The following ATP6V0A1 variants were observed in gnomAD, a reference collection of about 807,000 sequenced individuals.
The protein encoded by ATP6V0A1 is V-type proton ATPase 116 kDa subunit a 1.
ATP6V0A1 carries 43 observed loss-of-function variants against 105.4 expected under a neutral mutation model. The ratio of observed to expected loss-of-function variants is 0.41; its 90% CI spans 0.32 to 0.53. The LOEUF is 0.53. Ranked by LOEUF, ATP6V0A1 falls within the 20% of genes least tolerant of loss-of-function variation. The pLI, the probability that ATP6V0A1 is intolerant of heterozygous loss-of-function variation, is 0.30. For missense variants in ATP6V0A1, 676 were observed against 1,051.1 expected (o/e 0.64, Z 4.93); for synonymous variants, 362 against 372.8 (o/e 0.97, Z 0.33).
At chr17:42,498,404 C>T (rs9913501) in intron 14 of ATP6V0A1, among the ~76,000 whole-genome samples, 130,470 of 152,042 alleles carry the variant, frequency 0.86, 56,842 homozygotes, top group Non-Finnish European at 0.93. Context: ...GAAGCATTCT[C>T]CTCAAAAGCA....
chr17:42,467,988 T>C (rs1438355312), intron 3 of ATP6V0A1, 22 bp from the exon 4 acceptor site: 1 of 1,540,926 alleles, frequency 6.5e-7, no homozygotes, highest in Non-Finnish European at 8.9e-7. Context: ...TAGACATGAA[T>C]GTTTTGATTC....
chr17:42,479,818 C>T (rs1003620526), intron 7 of ATP6V0A1, among the ~76,000 whole-genome samples: 2 of 152,156 alleles, frequency 1.3e-5, no homozygotes, highest in African/African-American at 4.8e-5. Flanking sequence ...GAACTTTTCT[C>T]AGGAATATTC....
At chr17:42,520,646 G>A (rs1176614085) in intron 21 of ATP6V0A1, 1 of 458,990 alleles carries the variant, frequency 2.2e-6, no homozygotes, top group South Asian at 1.5e-5. Context: ...TGTCTCTGGA[G>A]GGGCTTCCCT....
intron 19 of ATP6V0A1, among the ~76,000 whole-genome samples, chr17:42,513,225 A>G (rs2092436907): frequency 6.6e-6 from 1 of 152,242 alleles, no homozygotes; most frequent in East Asian, 1.9e-4. Context: ...GGAAATTTGT[A>G]AACTTTGTCA....
chr17:42,517,178 G>A (rs899327301), intron 21 of ATP6V0A1, among the ~76,000 whole-genome samples: 1 of 152,180 alleles, frequency 6.6e-6, no homozygotes, highest in East Asian at 1.9e-4. Context: ...TACTCGGGAG[G>A]CTGAGGCAAG....
At chr17:42,496,866 G>A (rs561562323) in intron 14 of ATP6V0A1, among the ~76,000 whole-genome samples, 5 of 151,956 alleles carry the variant, frequency 3.3e-5, no homozygotes, top group African/African-American at 1.2e-4. Context: ...AGCACCACAG[G>A]GCTACAATCA....
intron 18 of ATP6V0A1, 80 bp downstream of exon 18, chr17:42,507,707 A>C: frequency 1.8e-6 from 2 of 1,131,292 alleles, no homozygotes; most frequent in Non-Finnish European, 2.7e-6. Context: ...GCCTCACTCC[A>C]GTCTTCTCCT....
intron 7 of ATP6V0A1, among the ~76,000 whole-genome samples, chr17:42,479,619 AAG>A (rs1392998654): frequency 1.3e-5 from 2 of 152,216 alleles, no homozygotes; most frequent in African/African-American, 4.8e-5. Context: ...TTTACCTAAA[AAG>A]AGAGAGATTG....
At chr17:42,517,504 G>A (rs1393663768) in intron 21 of ATP6V0A1, among the ~76,000 whole-genome samples, 2 of 152,156 alleles carry the variant, frequency 1.3e-5, no homozygotes, top group African/African-American at 4.8e-5. Flanking sequence ...TTGGGTAGGA[G>A]AGGAAAAAAC....
intron 19 of ATP6V0A1, chr17:42,513,392 C>A: frequency 6.3e-6 from 1 of 159,546 alleles, no homozygotes; most frequent in Non-Finnish European, 1.4e-5. Flanking sequence ...CTTCTCAGGA[C>A]AGTGTCCGGG....
In ATP6V0A1 at chr17:42,514,433, C is replaced by G; in HGVS notation, c.2393C>G (p.Ala798Gly). The change falls in exon 21 of 22, where the codon GCC becomes GGC. Residue 798 changes from alanine (A) to glycine (G), a missense_variant. Around this residue, in one of 3 missense-constraint regions of ATP6V0A1, gnomAD observed 435 missense variants for 642.2 expected, o/e 0.68. Coordinates refer to ENST00000343619, the MANE Select transcript of ATP6V0A1 (RefSeq NM_001130021.3). ...AILLIMEGLS[A>G]FLHALRLHWV... is the part of the protein sequence containing the mutation. The stretch of plus-strand genomic sequence containing the variant: ...CTCCTGATCATGGAGGGCCTCTCGG[C>G]CTTTCTCCACGCACTGCGCTTACAC... 6.2e-7 allele frequency: 1 copy of G among 1,609,086 alleles called. No individual in the cohort carries two copies. The highest frequency in any genetic ancestry group is 8.5e-7 in the Non-Finnish European group (1 of 1,177,518).
chr17:42,492,551 A>C (rs146392775), intron 11 of ATP6V0A1, among the ~76,000 whole-genome samples: 10,796 of 150,392 alleles, frequency 0.072, 421 homozygotes, highest in East Asian at 0.15. Context: ...TACTAAAAAT[A>C]CAAAATCAGC....
intron 4 of ATP6V0A1, among the ~76,000 whole-genome samples, chr17:42,468,407 A>G (rs1464843973): frequency 6.6e-6 from 1 of 152,120 alleles, no homozygotes; most frequent in Non-Finnish European, 1.5e-5. Flanking sequence ...TCTTCTAGCT[A>G]TTTTGAAATA....
rs1184527849 is a variant in ATP6V0A1, at chr17:42,495,133, C to T, written c.1414C>T (p.Leu472Phe). The change falls in exon 13 of 22, where the codon CTT (leucine) becomes TTT (phenylalanine). Residue 472 changes from leucine to phenylalanine, a missense_variant. Coordinates refer to ENST00000343619, the MANE Select transcript of ATP6V0A1 (RefSeq NM_001130021.3). ...CTACAATGATTGCTTTTCCAAGTCT[C>T]TTAATATCTTTGGGTCATCCTGGAG... ...LIYNDCFSKS[L>F]NIFGSSWSVR... 1.2e-6 allele frequency: 2 copies of T among 1,614,098 alleles called. No individual in the cohort carries two copies. Among genetic ancestry groups the T allele is most frequent in the Admixed American group, 3.3e-5 (2 of 60,020 alleles).
intron 13 of ATP6V0A1, 43 bp downstream of exon 13, chr17:42,495,231 A>C: frequency 6.3e-7 from 1 of 1,596,516 alleles, no homozygotes; most frequent in Non-Finnish European, 8.6e-7. Context: ...TATTCCTTTC[A>C]TGTGCAGCCC....
Position 42,513,868 on chromosome 17 carries a change from T to C in ATP6V0A1, c.2138T>C (p.Phe713Ser), listed in dbSNP as rs770730405. 21 of 1,613,842 alleles carry C rather than the reference T, an allele frequency of 1.3e-5. No homozygotes were observed. Among genetic ancestry groups the C allele is most frequent in the Admixed American group, 3.3e-5 (2 of 60,002 alleles). ...GGTTTCCTCCCACGACAGTTTGACT[T>C]TGGGGACACCATGGTCCACCAGGCC... ...DEPSEDEVFD[F>S]GDTMVHQAIH... The change falls in exon 20 of 22, where the codon TTT becomes TCT. Residue 713 changes from phenylalanine (F) to serine (S), a missense_variant. Phe to Ser is a radical substitution (Grantham distance 155, BLOSUM62 -2). Coordinates refer to ENST00000343619, the MANE Select transcript of ATP6V0A1 (RefSeq NM_001130021.3).
At chr17:42,491,540 A>G (rs1183394708) in intron 11 of ATP6V0A1, among the ~76,000 whole-genome samples, 6 of 149,936 alleles carry the variant, frequency 4.0e-5, no homozygotes, top group African/African-American at 1.2e-4. Context: ...CTGGAGTGCA[A>G]TGGCACGATC....
At chr17:42,464,396 T>G (rs2086788170) in intron 2 of ATP6V0A1, among the ~76,000 whole-genome samples, 1 of 152,026 alleles carries the variant, frequency 6.6e-6, no homozygotes, top group East Asian at 1.9e-4. Context: ...ATGTGTGTGT[T>G]TGTATTTTTT....
At chr17:42,487,436 T>C in intron 10 of ATP6V0A1, 69 bp downstream of exon 10, 4 of 1,541,528 alleles carry the variant, frequency 2.6e-6, no homozygotes, top group South Asian at 2.3e-5. Context: ...GTAACATTAA[T>C]GTCATTTTTG....
Sources: gnomAD v4.1 joint callset for allele counts (sites outside exome capture counted in the v4.1 genomes callset) on GRCh38, gnomAD v4.1.1 for gene constraint, gnomAD v4.1.1 regional missense constraint, MANE v1.5 for transcripts, NCBI Gene and HGNC (gene_info 2026-07-23, HGNC 2026-07-21) for gene names.